Variants in ATAD2 observed in about 807,000 individuals in gnomAD.
The protein encoded by ATAD2 is ATPase family AAA domain containing 2, also known as ATPase family AAA domain-containing protein 2.
Under a neutral mutation model 168.9 loss-of-function variants are expected in ATAD2, and 62 were observed. That is an observed-to-expected ratio of 0.37 (90% CI 0.30 to 0.45). ATAD2 has a LOEUF of 0.45. Among genes scored for constraint, ATAD2 ranks in the 20% least tolerant of loss-of-function variants. ATAD2 has a pLI of 1.00. For synonymous variants in ATAD2, 613 were observed against 571.6 expected (o/e 1.07, Z -1.03); for missense variants, 1,419 against 1,667.8 (o/e 0.85, Z 2.60).
chr8:123,357,180 T>C (rs1341578381), intron 12 of ATAD2, among the ~76,000 whole-genome samples: 4 of 152,188 alleles, frequency 2.6e-5, no homozygotes, highest in African/African-American at 7.2e-5. Context: ...CAGAAAGTAT[T>C]ATCTTACAAT....
intron 12 of ATAD2, among the ~76,000 whole-genome samples, chr8:123,356,726 C>A (rs943886190): frequency 6.6e-6 from 1 of 151,006 alleles, no homozygotes; most frequent in Non-Finnish European, 1.5e-5. Flanking sequence ...TGGCTCAGTG[C>A]AACCTCTGCC....
intron 13 of ATAD2, among the ~76,000 whole-genome samples, chr8:123,354,864 A>AAAAAATATATATATATATATAT (rs1554644338): frequency 1.5e-5 from 1 of 64,714 alleles, no homozygotes; most frequent in African/African-American, 8.7e-5. Flanking sequence ...AAAAAAAAAA[A>AAAAAATATATATATATATATAT]ATATATATAT....
chr8:123,357,872 C>T (rs947858873), intron 11 of ATAD2, 136 bp from the exon 12 acceptor site: 53 of 846,682 alleles, frequency 6.3e-5, no homozygotes, highest in Admixed American at 3.0e-4. Context: ...GGTACAGTTT[C>T]GCACCACAAA....
chr8:123,370,891 G>T lies in ATAD2; in HGVS notation c.727+12C>A, dbSNP rs771359492. The T allele has an allele frequency of 9.6e-6, 15 of 1,569,770 alleles. No individual in the cohort carries two copies. The Middle Eastern group carries it at 5.1e-4, about 53-fold the overall frequency. The stretch of plus-strand genomic sequence containing the variant: ...TTCAATCCCAGAAGACAGAACAAGA[G>T]AAGAGACTAACCCACACTGCCTTCT... On this transcript the variant is annotated intron_variant, in intron 6 of 27. Transcript: ENST00000287394.
intron 1 of ATAD2, among the ~76,000 whole-genome samples, chr8:123,390,345 G>A (rs996159172): frequency 3.9e-5 from 6 of 151,908 alleles, no homozygotes; most frequent in African/African-American, 9.7e-5. Flanking sequence ...TAATCCATCC[G>A]AAACACTGTC....
At chr8:123,360,720 G>T (rs1414861983) in intron 9 of ATAD2, among the ~76,000 whole-genome samples, 1 of 145,708 alleles carries the variant, frequency 6.9e-6, no homozygotes, top group Non-Finnish European at 1.5e-5. Flanking sequence ...TCTATTAAAA[G>T]AAAAAAAAAA....
Position 123,349,348 on chromosome 8 carries a change from A to G in ATAD2, c.1743T>C (p.Asp581=), listed in dbSNP as rs1401908546. Residue 581 remains aspartate (D), a synonymous_variant, in exon 14 of 28, where the codon GAT becomes GAC. Transcript: ENST00000287394. ...IGATNRLDSI[D]PALRRPGRFD... is the part of the protein sequence containing the mutation. ...AGCGACCAGGCCTTCGTAAAGCAGG[A>G]TCTATAGAATCTAGCCTGTTCGTAG... 1.2e-6 allele frequency: 2 copies of G among 1,614,008 alleles called. No homozygotes were observed. The highest frequency in any genetic ancestry group is 3.3e-5 in the Admixed American group (2 of 59,998).
At chr8:123,408,768 C>T (rs770970655) in intron 1 of ATAD2, among the ~76,000 whole-genome samples, 4 of 152,110 alleles carry the variant, frequency 2.6e-5, no homozygotes, top group African/African-American at 4.8e-5. Flanking sequence ...TCACTCGCCT[C>T]GGCCTCCCAA....
At chr8:123,368,977 C>T in intron 8 of ATAD2, 81 bp downstream of exon 8, 1 of 718,820 alleles carries the variant, frequency 1.4e-6, no homozygotes, top group Non-Finnish European at 2.1e-6. Context: ...CCTAATACAC[C>T]CAATCCTGAA....
At chr8:123,322,238 T>C (rs982999209) in intron 27 of ATAD2, among the ~76,000 whole-genome samples, 7 of 152,212 alleles carry the variant, frequency 4.6e-5, no homozygotes, top group Non-Finnish European at 8.8e-5. Flanking sequence ...TCCACCCGCC[T>C]TGGCTTCCCC....
intron 1 of ATAD2, among the ~76,000 whole-genome samples, chr8:123,385,945 A>C (rs1158506690): frequency 6.6e-6 from 1 of 152,008 alleles, no homozygotes; most frequent in African/African-American, 2.4e-5. Context: ...AAGATGCTCA[A>C]CATCACTAGT....
intron 13 of ATAD2, among the ~76,000 whole-genome samples, chr8:123,351,797 G>A (rs1230110516): frequency 6.6e-6 from 1 of 150,924 alleles, no homozygotes; most frequent in South Asian, 2.1e-4. Context: ...GCCCAGGCTG[G>A]AGTGCAGTGG....
In ATAD2 at chr8:123,349,434, A is replaced by C; in HGVS notation, c.1657T>G (p.Ser553Ala). The C allele has an allele frequency of 6.2e-7, 1 of 1,613,852 alleles. No homozygotes were observed. The highest frequency in any genetic ancestry group is 1.1e-5 in the South Asian group (1 of 91,026). Residue 553 changes from serine (S) to alanine (A), a missense_variant, in exon 14 of 28, where the codon TCC becomes GCC. Physicochemically the swap from Ser to Ala is moderately conservative, Grantham distance 99. Transcript: ENST00000287394. ...CCATCCATAAGAGCTAGCAGGGTGG[A>C]AACAATAGAACTAAATTTTAAAAAT... ...RQDQIHSSIV[S>A]TLLALMDGLD...
intron 21 of ATAD2, 65 bp from the exon 22 acceptor site, chr8:123,336,597 C>T (rs963153306): frequency 3.4e-5 from 43 of 1,246,684 alleles, no homozygotes; most frequent in African/African-American, 1.4e-4. Flanking sequence ...AGTCAAGTTT[C>T]GATGCCAGGC....
chr8:123,344,716 T>G, intron 19 of ATAD2, 168 bp downstream of exon 19: 1 of 708,894 alleles, frequency 1.4e-6, no homozygotes, highest in Non-Finnish European at 2.4e-6. Flanking sequence ...ACATATACCA[T>G]CTTGCCCAAT....
At chr8:123,352,727 AC>A (rs1563845766) in intron 13 of ATAD2, 1 of 149,986 alleles carries the variant, frequency 6.7e-6, no homozygotes, top group African/African-American at 2.5e-5. Flanking sequence ...AAAAAAAAAA[AC>A]AACAAAAACA....
rs968995670 is a variant in ATAD2, at chr8:123,371,613, C to T, written c.536+57G>A. ...GGGCTGGTTGAAATCCATGATTCCT[C>T]CCCAACAAAAAGTCTCTGACAGATA... is the stretch of plus-strand genomic sequence containing the variant. On this transcript the variant is annotated intron_variant, in intron 4 of 27. Coordinates refer to ENST00000287394, the MANE Select transcript of ATAD2 (RefSeq NM_014109.4). 9.5e-6 allele frequency: 14 copies of T among 1,470,672 alleles called. No individual in the cohort carries two copies. In the African/African-American group the frequency reaches 2.0e-4, roughly 21 times the overall value. 91.1% of individuals were successfully genotyped at this position (1,470,672 alleles called of 1,614,324 possible). A position where few individuals can be genotyped will look rare whatever the true frequency, so the allele number is the denominator to read the frequency against.
chr8:123,348,094 C>A, intron 15 of ATAD2, 89 bp downstream of exon 15: 1 of 1,108,804 alleles, frequency 9.0e-7, no homozygotes, highest in South Asian at 1.5e-5. Flanking sequence ...AGGCAAAAAC[C>A]ACAATTACTT....
At chr8:123,333,082 G>A (rs1024966730) in intron 24 of ATAD2, among the ~76,000 whole-genome samples, 2 of 151,710 alleles carry the variant, frequency 1.3e-5, no homozygotes, top group Non-Finnish European at 2.9e-5. Flanking sequence ...CACACACACA[G>A]AGATCTAAAA....
Sources: gnomAD v4.1 joint callset for allele counts (sites outside exome capture counted in the v4.1 genomes callset) on GRCh38, gnomAD v4.1.1 for gene constraint, MANE v1.5 for transcripts, NCBI Gene and HGNC (gene_info 2026-07-23, HGNC 2026-07-21) for gene names.